RBFOX1: variants seen among roughly 807,000 people sequenced by gnomAD.
The protein encoded by RBFOX1 is RNA binding protein fox-1 homolog 1.
In RBFOX1, 8 loss-of-function variants were observed where a neutral mutation model predicts 57.7. The observed-to-expected ratio is 0.14, with a 90% CI of 0.08 to 0.25. RBFOX1 has a LOEUF of 0.25. Ranked by LOEUF, RBFOX1 falls within the 10% of genes least tolerant of loss-of-function variation. RBFOX1 has a pLI of 1.00. For synonymous variants in RBFOX1, 326 were observed against 222.4 expected, an observed-to-expected ratio of 1.47 and a Z score of -4.15; for missense variants, 611 against 548.5, an observed-to-expected ratio of 1.11 and a Z score of -1.14.
At chr16:6,386,215 G>GT (rs1001698242) in intron 2 of RBFOX1, among the ~76,000 whole-genome samples, 1 of 152,184 alleles carries the variant, frequency 6.6e-6, no homozygotes, top group Non-Finnish European at 1.5e-5. Flanking sequence ...GATTACAGGC[G>GT]TAAGAACACA....
chr16:6,898,903 A>G (rs868568666), intron 3 of RBFOX1, among the ~76,000 whole-genome samples: 11 of 135,298 alleles, frequency 8.1e-5, no homozygotes, highest in Non-Finnish European at 1.7e-4. Context: ...TGCATCTCGT[A>G]TGTGTTTGTG....
At chr16:6,819,460 T>G (rs868494995) in intron 3 of RBFOX1, among the ~76,000 whole-genome samples, 1 of 152,066 alleles carries the variant, frequency 6.6e-6, no homozygotes, top group Admixed American at 6.5e-5. Context: ...GGCCAGTACT[T>G]AGGGAGGCCC....
chr16:7,426,370 G>A (rs1455618537), intron 4 of RBFOX1, among the ~76,000 whole-genome samples: 1 of 152,172 alleles, frequency 6.6e-6, no homozygotes, highest in Non-Finnish European at 1.5e-5. Context: ...ACCCAGCTCT[G>A]GGGGCACCAT....
intron 2 of RBFOX1, among the ~76,000 whole-genome samples, chr16:6,378,127 C>A (rs975014235): frequency 2.1e-4 from 32 of 152,354 alleles, no homozygotes; most frequent in African/African-American, 7.7e-4. Flanking sequence ...TTATCAAGAC[C>A]AGGCTGGAGG....
chr16:5,910,733 A>G (rs909464389), intron 4 of RBFOX1, among the ~76,000 whole-genome samples: 1 of 152,168 alleles, frequency 6.6e-6, no homozygotes, highest in Non-Finnish European at 1.5e-5. Context: ...ACCGAACTTC[A>G]AGCTGTCAGA....
intron 4 of RBFOX1, among the ~76,000 whole-genome samples, chr16:7,268,935 C>G (rs999700186): frequency 6.6e-6 from 1 of 150,668 alleles, no homozygotes; most frequent in Admixed American, 6.7e-5. Context: ...TACTCAGGAG[C>G]CTGAGGCAGG....
At chr16:5,771,972 G>A (rs1468894443) in intron 3 of RBFOX1, among the ~76,000 whole-genome samples, 1 of 152,140 alleles carries the variant, frequency 6.6e-6, no homozygotes, top group Non-Finnish European at 1.5e-5. Context: ...AGGATTTTGA[G>A]ACCAGCCTGA....
At chr16:6,431,892 G>GCTTTCTTTCTTTCTTTCTTT (rs1491491088) in intron 2 of RBFOX1, among the ~76,000 whole-genome samples, 11 of 118,116 alleles carry the variant, frequency 9.3e-5, no homozygotes, top group African/African-American at 1.6e-4. Flanking sequence ...ATGCTTGCTT[G>GCTTTCTTTCTTTCTTTCTTT]CTTGCTTTCT....
At chr16:5,662,813 T>C (rs942609488) in intron 3 of RBFOX1, among the ~76,000 whole-genome samples, 3 of 152,232 alleles carry the variant, frequency 2.0e-5, no homozygotes, top group Non-Finnish European at 4.4e-5. Flanking sequence ...CTAAGTTGTG[T>C]AGTGGCCCCT....
chr16:7,006,385 C>G (rs537319280), intron 3 of RBFOX1, among the ~76,000 whole-genome samples: 1 of 152,084 alleles, frequency 6.6e-6, no homozygotes, highest in Non-Finnish European at 1.5e-5. Context: ...GATTTTCTGA[C>G]CTTGTGATCC....
At chr16:6,364,071 T>C (rs547587589) in intron 2 of RBFOX1, among the ~76,000 whole-genome samples, 11 of 152,304 alleles carry the variant, frequency 7.2e-5, no homozygotes, top group Non-Finnish European at 1.0e-4. Flanking sequence ...CACAAAGCCA[T>C]TGGAAGGGGA....
chr16:6,182,158 T>G (rs1407395248), intron 1 of RBFOX1, among the ~76,000 whole-genome samples: 1 of 152,202 alleles, frequency 6.6e-6, no homozygotes, highest in African/African-American at 2.4e-5. Flanking sequence ...ATCACATTAT[T>G]AAGCTTATTC....
At chr16:7,628,476 C>T (rs905028623) in intron 10 of RBFOX1, among the ~76,000 whole-genome samples, 2 of 152,122 alleles carry the variant, frequency 1.3e-5, no homozygotes, top group Admixed American at 1.3e-4. Context: ...GGTAGCTTGC[C>T]TCCCCTTGCT....
At chr16:5,409,134 C>G (rs2066944130) in intron 1 of RBFOX1, among the ~76,000 whole-genome samples, 1 of 152,220 alleles carries the variant, frequency 6.6e-6, no homozygotes, top group Admixed American at 6.5e-5. Flanking sequence ...AAACAGGAAT[C>G]AGAGAGAATG....
intron 2 of RBFOX1, chr16:6,483,128 T>C (rs915317963): frequency 1.3e-5 from 14 of 1,042,902 alleles, no homozygotes; most frequent in Non-Finnish European, 1.6e-5. Flanking sequence ...TCCACTGCCT[T>C]CCCCCAGCTG....
chr16:5,956,676 A>ATTTTTTTTTT (rs1416211761), intron 4 of RBFOX1, among the ~76,000 whole-genome samples: 9 of 104,086 alleles, frequency 8.6e-5, no homozygotes, highest in South Asian at 6.1e-4. Flanking sequence ...ATATATATAT[A>ATTTTTTTTTT]TATTTTTTTT....
chr16:6,308,851 A>G (rs552822041), intron 1 of RBFOX1, among the ~76,000 whole-genome samples: 34 of 152,294 alleles, frequency 2.2e-4, no homozygotes, highest in African/African-American at 7.0e-4. Flanking sequence ...GTATTTCCCA[A>G]CTATCACTCC....
At position 7,213,416 on chromosome 16, in the gene RBFOX1, A is replaced by G. The variant is rs536591455; in HGVS notation, c.27+161318A>G. Among the ~76,000 whole-genome samples, 16 of 152,244 alleles carry G rather than the reference A, an allele frequency of 1.1e-4. No individual in the cohort carries two copies. In the South Asian group the frequency reaches 3.1e-3, roughly 30 times the overall value. On this transcript the variant is annotated intron_variant, in intron 4 of 15. Coordinates refer to ENST00000550418, the MANE Select transcript of RBFOX1 (RefSeq NM_018723.4). Reference sequence around the variant, plus strand: ...GTGTAATAGGCAGCCAGAGTTGAGAACCATTGCCTGACATTAAAGATTCAC... The same window carrying G: ...GTGTAATAGGCAGCCAGAGTTGAGAGCCATTGCCTGACATTAAAGATTCAC...
At chr16:7,033,037 G>A (rs1568457854) in intron 3 of RBFOX1, among the ~76,000 whole-genome samples, 1 of 152,088 alleles carries the variant, frequency 6.6e-6, no homozygotes, top group Non-Finnish European at 1.5e-5. Flanking sequence ...ACTGTGTAGA[G>A]ACTGTCCACT....
Sources: gnomAD v4.1 joint callset for allele counts (sites outside exome capture counted in the v4.1 genomes callset) on GRCh38, gnomAD v4.1.1 for gene constraint, MANE v1.5 for transcripts, NCBI Gene and HGNC (gene_info 2026-07-23, HGNC 2026-07-21) for gene names.